Variants in C16orf74 observed in about 807,000 individuals in gnomAD.
C16orf74 encodes the protein calcimembrin, also known as uncharacterized protein C16orf74.
In C16orf74, 10 loss-of-function variants were observed where a neutral mutation model predicts 6.5. That is an observed-to-expected ratio of 1.54 (90% CI 0.95 to 2.61). The LOEUF (loss-of-function observed/expected upper bound fraction) is 2.61. Ranked by LOEUF, C16orf74 falls within the 30% of genes most tolerant of loss-of-function variation. C16orf74 has a pLI of 0.00. For missense variants in C16orf74, 141 were observed against 105.9 expected (o/e 1.33, Z -1.45); for synonymous variants, 60 against 42.5 (o/e 1.41, Z -1.60).
intron 2 of C16orf74, chr16:85,710,579 G>C (rs1436609976): frequency 1.4e-5 from 6 of 418,618 alleles, no homozygotes; most frequent in Non-Finnish European, 2.5e-5. Context: ...GGGTCCAGTT[G>C]TCAGCCTTTA....
intron 1 of C16orf74, among the ~76,000 whole-genome samples, chr16:85,748,984 T>C (rs2054406133): frequency 6.6e-6 from 1 of 151,394 alleles, no homozygotes; most frequent in Non-Finnish European, 1.5e-5. Context: ...TCTCACTATG[T>C]TGCTCAGGTT....
At chr16:85,731,102 T>G (rs1309059205) in intron 2 of C16orf74, among the ~76,000 whole-genome samples, 1 of 152,194 alleles carries the variant, frequency 6.6e-6, no homozygotes, top group African/African-American at 2.4e-5. Flanking sequence ...AGTCCTGTCT[T>G]TATGATTCTT....
intron 1 of C16orf74, among the ~76,000 whole-genome samples, chr16:85,739,949 C>A (rs2054284654): frequency 6.6e-6 from 1 of 152,038 alleles, no homozygotes. Context: ...GTGGCTCATG[C>A]CTGTAATCCC....
At chr16:85,739,280 C>T (rs776921034) in intron 1 of C16orf74, among the ~76,000 whole-genome samples, 4 of 152,170 alleles carry the variant, frequency 2.6e-5, no homozygotes, top group African/African-American at 9.7e-5. Flanking sequence ...CCCAACCAAG[C>T]GCAGACCGGC....
chr16:85,709,653 T>C (rs996103512), intron 3 of C16orf74, among the ~76,000 whole-genome samples: 1 of 152,122 alleles, frequency 6.6e-6, no homozygotes, highest in African/African-American at 2.4e-5. Flanking sequence ...GGCTGCCGAT[T>C]TGGGCCTCTG....
At chr16:85,729,665 G>A (rs1384100366) in intron 2 of C16orf74, among the ~76,000 whole-genome samples, 1 of 152,192 alleles carries the variant, frequency 6.6e-6, no homozygotes, top group Non-Finnish European at 1.5e-5. Flanking sequence ...AGCTCATCCT[G>A]GATTTGGGGG....
In C16orf74 at chr16:85,707,868, C is replaced by T. The variant is rs547579700; in HGVS notation, c.*140G>A. 1.8e-5 allele frequency: 12 copies of T among 674,310 alleles called. No individual in the cohort carries two copies. The highest frequency in any genetic ancestry group is 5.4e-5 in the African/African-American group (3 of 55,472). 41.8% of individuals were successfully genotyped at this position (674,310 alleles called of 1,614,324 possible). A position where few individuals can be genotyped will look rare whatever the true frequency, so the allele number is the denominator to read the frequency against. ...GCTGGATTCCTCGCTGGTCCTGCCACGTCTCTCTGAGCGGAGGCCCGGGTT... is the reference window on the plus strand; with the variant it reads ...GCTGGATTCCTCGCTGGTCCTGCCATGTCTCTCTGAGCGGAGGCCCGGGTT... On this transcript the variant is annotated 3_prime_UTR_variant, in exon 4 of 4. Coordinates refer to ENST00000284245, the MANE Select transcript of C16orf74 (RefSeq NM_206967.3).
intron 2 of C16orf74, among the ~76,000 whole-genome samples, chr16:85,713,275 C>T (rs1487092679): frequency 6.6e-6 from 1 of 152,060 alleles, no homozygotes; most frequent in African/African-American, 2.4e-5. Flanking sequence ...TCCAGACTCC[C>T]CCCTGCTTTT....
chr16:85,728,217 G>C (rs1457264634), intron 2 of C16orf74, among the ~76,000 whole-genome samples: 1 of 152,176 alleles, frequency 6.6e-6, no homozygotes, highest in Admixed American at 6.5e-5. Context: ...GTATTGATTG[G>C]TTTGCTGTAA....
intron 1 of C16orf74, among the ~76,000 whole-genome samples, chr16:85,746,572 G>C (rs1389672925): frequency 6.6e-6 from 1 of 152,140 alleles, no homozygotes; most frequent in Non-Finnish European, 1.5e-5. Context: ...CCTGAGTCAC[G>C]GTGGCACCTT....
At chr16:85,731,458 G>C (rs374869915) in intron 2 of C16orf74, among the ~76,000 whole-genome samples, 10 of 152,208 alleles carry the variant, frequency 6.6e-5, no homozygotes, top group Admixed American at 3.3e-4. Flanking sequence ...CCTGGAAACA[G>C]GTGGGTGGGT....
chr16:85,714,896 C>A (rs2054007190), intron 2 of C16orf74, among the ~76,000 whole-genome samples: 1 of 151,650 alleles, frequency 6.6e-6, no homozygotes, highest in African/African-American at 2.4e-5. Context: ...GTGGCTCACG[C>A]CTGTAATCCC....
chr16:85,729,588 C>T (rs994098621), intron 2 of C16orf74, among the ~76,000 whole-genome samples: 2 of 152,188 alleles, frequency 1.3e-5, no homozygotes, highest in African/African-American at 4.8e-5. Flanking sequence ...CAACCCAGAA[C>T]CTCAGAATAT....
intron 2 of C16orf74, among the ~76,000 whole-genome samples, chr16:85,726,878 C>T (rs747922378): frequency 1.9e-4 from 29 of 152,134 alleles, no homozygotes; most frequent in Non-Finnish European, 3.1e-4. Context: ...CCAGCCCGTG[C>T]CCATGAGTTT....
chr16:85,723,339 G>C (rs2054101549), intron 2 of C16orf74, among the ~76,000 whole-genome samples: 1 of 150,900 alleles, frequency 6.6e-6, no homozygotes, highest in African/African-American at 2.4e-5. Flanking sequence ...GAGGAAGGAG[G>C]ACAACTTGAG....
chr16:85,730,037 A>C (rs57395437), intron 2 of C16orf74, among the ~76,000 whole-genome samples: 5 of 152,178 alleles, frequency 3.3e-5, no homozygotes, highest in African/African-American at 1.2e-4. Flanking sequence ...CATCGACACA[A>C]AGCCAGCCCA....
chr16:85,735,739 G>C (rs1437656303), intron 1 of C16orf74, among the ~76,000 whole-genome samples: 1 of 90,684 alleles, frequency 1.1e-5, no homozygotes, highest in African/African-American at 4.1e-5. Flanking sequence ...CTGAGCTATA[G>C]AGGACGTGTG....
intron 2 of C16orf74, among the ~76,000 whole-genome samples, chr16:85,721,038 C>CTG (rs2054077736): frequency 6.6e-6 from 1 of 152,062 alleles, no homozygotes; most frequent in Non-Finnish European, 1.5e-5. Context: ...TTGCAGTGAA[C>CTG]CAAGATCGCG....
intron 2 of C16orf74, among the ~76,000 whole-genome samples, chr16:85,726,871 G>A (rs539350299): frequency 1.2e-3 from 178 of 152,164 alleles, no homozygotes; most frequent in Admixed American, 4.1e-3. Context: ...TTGCTTCCCA[G>A]CCCGTGCCCA....
Sources: gnomAD v4.1 joint callset for allele counts (sites outside exome capture counted in the v4.1 genomes callset) on GRCh38, gnomAD v4.1.1 for gene constraint, MANE v1.5 for transcripts, NCBI Gene and HGNC (gene_info 2026-07-23, HGNC 2026-07-21) for gene names.